CDK19: variants seen among roughly 807,000 people sequenced by gnomAD.
CDK19 encodes the protein cyclin-dependent kinase 19.
In CDK19, 20 loss-of-function variants were observed where a neutral mutation model predicts 68.3. The ratio of observed to expected loss-of-function variants is 0.29; its 90% CI spans 0.21 to 0.43. The LOEUF is 0.43. CDK19 is among the 20% of genes least tolerant of loss of function. The pLI is 1.00. For synonymous variants in CDK19, 221 were observed against 222.8 expected (o/e 0.99, Z 0.07); for missense variants, 339 against 623.5 (o/e 0.54, Z 4.86).
chr6:110,810,473 CAG>C (rs1035580497), intron 1 of CDK19, among the ~76,000 whole-genome samples: 5 of 152,064 alleles, frequency 3.3e-5, no homozygotes, highest in East Asian at 1.9e-4. Flanking sequence ...AAGAAAAAAA[CAG>C]ATGAAAAGCA....
intron 1 of CDK19, among the ~76,000 whole-genome samples, chr6:110,788,922 G>A (rs1001400116): frequency 6.6e-6 from 1 of 152,032 alleles, no homozygotes; most frequent in Non-Finnish European, 1.5e-5. Context: ...CTCCATATGG[G>A]TGCCATGGTG....
chr6:110,791,353 A>G (rs929043718), intron 1 of CDK19, among the ~76,000 whole-genome samples: 3 of 152,134 alleles, frequency 2.0e-5, no homozygotes, highest in African/African-American at 7.2e-5. Context: ...CCATACTCAC[A>G]AGAATAACTG....
At chr6:110,705,138 TCAAG>T (rs1206562062) in intron 2 of CDK19, among the ~76,000 whole-genome samples, 1 of 151,846 alleles carries the variant, frequency 6.6e-6, no homozygotes, top group Non-Finnish European at 1.5e-5. Context: ...CCTACCAGGT[TCAAG>T]CAATTCTCCT....
chr6:110,684,864 C>T (rs1221659294), intron 2 of CDK19, among the ~76,000 whole-genome samples: 1 of 152,192 alleles, frequency 6.6e-6, no homozygotes, highest in Non-Finnish European at 1.5e-5. Flanking sequence ...ATCAGCCAGG[C>T]ACAGTGGCTC....
At chr6:110,707,956 G>A (rs1284294891) in intron 2 of CDK19, among the ~76,000 whole-genome samples, 2 of 152,016 alleles carry the variant, frequency 1.3e-5, no homozygotes, top group Non-Finnish European at 2.9e-5. Context: ...TGGGCGACAC[G>A]GTGAGACTAT....
rs1219447533 is a variant in CDK19 at position 110,641,642 on chromosome 6, A to AAAGG, written c.457-2937_457-2936insCCTT. Among the ~76,000 whole-genome samples the AAAGG allele has an allele frequency of 4.4e-3, 414 of 93,584 alleles. 2 individuals carry two copies. Among genetic ancestry groups the AAAGG allele is most frequent in the African/African-American group, 0.019 (401 of 20,818 alleles). 61.4% of individuals were successfully genotyped at this position (93,584 alleles called of 152,430 possible). A position where few individuals can be genotyped will look rare whatever the true frequency, so the allele number is the denominator to read the frequency against. The stretch of plus-strand genomic sequence containing the variant: ...GAAAGGAGAGGAAAGGAGGAAAGGG[A>AAAGG]AAGAAAGGAAGGAAGGAAGGAAGGA... On this transcript the variant is annotated intron_variant, in intron 4 of 12. Coordinates refer to ENST00000368911, the MANE Select transcript of CDK19 (RefSeq NM_015076.5).
At chr6:110,797,541 A>G (rs188305156) in intron 1 of CDK19, among the ~76,000 whole-genome samples, 8 of 152,326 alleles carry the variant, frequency 5.3e-5, no homozygotes, top group Admixed American at 4.6e-4. Context: ...GAAGAAAGAA[A>G]ATGGAGGGAA....
At chr6:110,653,327 T>C (rs1299090223) in intron 4 of CDK19, among the ~76,000 whole-genome samples, 3 of 152,098 alleles carry the variant, frequency 2.0e-5, no homozygotes, top group African/African-American at 7.2e-5. Flanking sequence ...AAAAGACTAA[T>C]GGTGATTAAT....
At chr6:110,801,429 G>T (rs1164410139) in intron 1 of CDK19, among the ~76,000 whole-genome samples, 1 of 152,174 alleles carries the variant, frequency 6.6e-6, no homozygotes, top group African/African-American at 2.4e-5. Context: ...AGACTGCACT[G>T]AGCCATGATC....
chr6:110,674,880 C>T (rs531184260), intron 2 of CDK19, among the ~76,000 whole-genome samples: 3 of 147,246 alleles, frequency 2.0e-5, no homozygotes, highest in African/African-American at 5.0e-5. Context: ...CCAGCCCGGG[C>T]GACACAGCGA....
intron 1 of CDK19, among the ~76,000 whole-genome samples, chr6:110,804,096 T>C (rs1241670446): frequency 1.3e-5 from 2 of 151,740 alleles, no homozygotes; most frequent in East Asian, 3.8e-4. Context: ...TCTACAAATA[T>C]CAGCAAAACA....
At chr6:110,639,164 T>C (rs547635997) in intron 4 of CDK19, among the ~76,000 whole-genome samples, 1 of 152,344 alleles carries the variant, frequency 6.6e-6, no homozygotes, top group South Asian at 2.1e-4. Flanking sequence ...ACAACTCTAT[T>C]AAAATTCATG....
intron 2 of CDK19, among the ~76,000 whole-genome samples, chr6:110,723,063 CTCTG>C (rs1776032532): frequency 6.7e-6 from 1 of 148,352 alleles, no homozygotes; most frequent in African/African-American, 2.5e-5. Context: ...AATTCCCCTC[CTCTG>C]TCTGAGTGTG....
chr6:110,778,763 C>T (rs1256154572), intron 1 of CDK19, among the ~76,000 whole-genome samples: 1 of 152,190 alleles, frequency 6.6e-6, no homozygotes, highest in African/African-American at 2.4e-5. Context: ...TTCCTCGCTG[C>T]TACGACTGGT....
intron 1 of CDK19, among the ~76,000 whole-genome samples, chr6:110,792,782 A>G (rs1455333452): frequency 6.6e-6 from 1 of 152,342 alleles, no homozygotes; most frequent in East Asian, 1.9e-4. Context: ...AAAACTGACT[A>G]TAATTTTTAC....
chr6:110,646,787 G>A (rs1444572161), intron 4 of CDK19, among the ~76,000 whole-genome samples: 2 of 152,002 alleles, frequency 1.3e-5, no homozygotes, highest in Non-Finnish European at 1.5e-5. Flanking sequence ...CTGACTCATC[G>A]TGGGGTGGCG....
At chr6:110,748,311 C>T (rs1778217860) in intron 1 of CDK19, among the ~76,000 whole-genome samples, 2 of 152,226 alleles carry the variant, frequency 1.3e-5, no homozygotes, top group African/African-American at 4.8e-5. Context: ...TCCAGGCTGT[C>T]AAAGGAATTT....
At chr6:110,638,418 A>C (rs1477073395) in intron 5 of CDK19, among the ~76,000 whole-genome samples, 1 of 152,176 alleles carries the variant, frequency 6.6e-6, no homozygotes, top group Non-Finnish European at 1.5e-5. Flanking sequence ...TGCTTTTGTG[A>C]ACTAGCTTGT....
intron 1 of CDK19, among the ~76,000 whole-genome samples, chr6:110,778,673 T>C (rs1279100179): frequency 6.6e-6 from 1 of 152,178 alleles, no homozygotes; most frequent in Non-Finnish European, 1.5e-5. Flanking sequence ...CATACACCCA[T>C]TCTCCCTTTC....
Sources: allele counts gnomAD v4.1 joint callset (sites outside exome capture counted in the v4.1 genomes callset), GRCh38; gene constraint gnomAD v4.1.1; transcripts MANE v1.5; gene names NCBI Gene and HGNC (gene_info 2026-07-23, HGNC 2026-07-21).